Variants in DST observed in about 807,000 individuals in gnomAD.
DST encodes bullous pemphigoid antigen.
Under a neutral mutation model 875.2 loss-of-function variants are expected in DST, and 253 were observed. The observed-to-expected ratio is 0.29, with a 90% CI of 0.26 to 0.32. The LOEUF is 0.32. DST is among the 10% of genes least tolerant of loss of function. The probability of loss-of-function intolerance (pLI) is 1.00; values close to 1 mark genes in which losing one functional copy is unlikely to be tolerated. For synonymous variants in DST, 3,124 were observed against 3,197.1 expected (o/e 0.98, Z 0.77); for missense variants, 8,287 against 9,111.6 (o/e 0.91, Z 3.68).
intron 10 of DST, among the ~76,000 whole-genome samples, chr6:56,655,419 T>G (rs1162308196): frequency 6.6e-6 from 1 of 152,062 alleles, no homozygotes; most frequent in East Asian, 1.9e-4. Context: ...TGACAATAGC[T>G]GAAAAGACAC....
At position 56,791,305 on chromosome 6, in the gene DST, G is replaced by A. The variant is rs145681306; in HGVS notation, c.626-56016C>T. ...ACAAATAAGACTGGTAAAGGTATAG[G>A]TATAGTAACTGAGACACTGTATTGT... On this transcript the variant is annotated intron_variant, in intron 4 of 103. Coordinates refer to ENST00000680361, the MANE Select transcript of DST (RefSeq NM_001374736.1). 3.7e-4 allele frequency among the ~76,000 whole-genome samples: 57 copies of A among 152,194 alleles called. No individual in the cohort carries two copies. In the East Asian group the frequency reaches 8.1e-3, roughly 22 times the overall value.
chr6:56,954,370 C>T, intron 1 of DST, 37 bp downstream of exon 1: 1 of 1,342,704 alleles, frequency 7.4e-7, no homozygotes, highest in Non-Finnish European at 9.9e-7. Flanking sequence ...TTAATTGTTC[C>T]TGGTAGCCCG....
At chr6:56,586,127 C>T (rs897284780) in intron 49 of DST, among the ~76,000 whole-genome samples, 13 of 152,080 alleles carry the variant, frequency 8.5e-5, no homozygotes, top group African/African-American at 2.7e-4. Context: ...TGGTGTAGAG[C>T]TGAGTTCAAT....
At chr6:56,845,605 A>G (rs1010867099) in intron 4 of DST, among the ~76,000 whole-genome samples, 1 of 152,378 alleles carries the variant, frequency 6.6e-6, no homozygotes. Context: ...CAGGCATCAT[A>G]TGGGACACCT....
intron 23 of DST, among the ~76,000 whole-genome samples, chr6:56,636,235 C>CAT (rs754130073): frequency 4.2e-5 from 6 of 142,744 alleles, no homozygotes; most frequent in Non-Finnish European, 7.5e-5. Flanking sequence ...AAACAATTCA[C>CAT]ATATATATAT....
chr6:56,767,685 G>A (rs1161763543), intron 4 of DST, among the ~76,000 whole-genome samples: 1 of 151,958 alleles, frequency 6.6e-6, no homozygotes, highest in Non-Finnish European at 1.5e-5. Context: ...GATGTTCATA[G>A]TGATGGCTGT....
intron 49 of DST, among the ~76,000 whole-genome samples, chr6:56,590,774 C>G (rs562571847): frequency 1.3e-5 from 2 of 152,162 alleles, no homozygotes; most frequent in Admixed American, 6.5e-5. Context: ...CAGTGCCCTC[C>G]ACCCTCTTGA....
rs183532246 is a variant in DST at position 56,845,348 on chromosome 6, C to T, written c.625+6049G>A. ...TTAATGCTTAGATAGGGATGAGTTC[C>T]TCTTGAAAGAAAAAATTGTGTACTC... On this transcript the variant is annotated intron_variant, in intron 4 of 103. Transcript: ENST00000680361. Among the ~76,000 whole-genome samples the T allele has an allele frequency of 2.0e-5, 3 of 152,126 alleles. No homozygotes were observed. The East Asian group carries it at 5.8e-4, about 29-fold the overall frequency.
intron 4 of DST, among the ~76,000 whole-genome samples, chr6:56,800,711 C>CA (rs777455635): frequency 4.6e-5 from 7 of 151,542 alleles, no homozygotes; most frequent in African/African-American, 1.5e-4. Context: ...AAAATAAAAA[C>CA]AAAAAAAATA....
chr6:56,517,383 T>C (rs2096615079), intron 70 of DST, 78 bp from the exon 71 acceptor site: 2 of 1,584,400 alleles, frequency 1.3e-6, no homozygotes, highest in Non-Finnish European at 1.7e-6. Flanking sequence ...GGCTAAGTAG[T>C]TAAAAATATC....
intron 4 of DST, among the ~76,000 whole-genome samples, chr6:56,816,124 C>G (rs934637895): frequency 3.3e-5 from 5 of 152,158 alleles, no homozygotes; most frequent in Non-Finnish European, 7.4e-5. Flanking sequence ...AAAATAAACA[C>G]CCTGAAAGGA....
rs761285115 is a variant in DST at position 56,692,403 on chromosome 6, G to C, written c.1047+7250C>G. On this transcript the variant is annotated intron_variant, in intron 9 of 103. Coordinates refer to ENST00000680361, the MANE Select transcript of DST (RefSeq NM_001374736.1). ...TTTCACTTACCTCATTTCCATCTGT[G>C]TCCTTAGAAACAGAGGACATACTAG... is the stretch of plus-strand genomic sequence containing the variant. 5 of 1,276,484 alleles carry C rather than the reference G, an allele frequency of 3.9e-6. No homozygotes were observed. In the Admixed American group the frequency reaches 9.7e-5, roughly 25 times the overall value. The allele number at this position is 1,276,484 out of a possible 1,614,324, so 79.1% of individuals were successfully genotyped here.
intron 12 of DST, among the ~76,000 whole-genome samples, chr6:56,650,578 A>ATTC (rs2152798058): frequency 6.6e-6 from 1 of 152,342 alleles, no homozygotes; most frequent in African/African-American, 2.4e-5. Context: ...AAACTGAGAT[A>ATTC]TTCTATACAT....
chr6:56,931,785 A>G lies in DST; in HGVS notation c.216+22000T>C, dbSNP rs543757939. On this transcript the variant is annotated intron_variant, in intron 2 of 103. Coordinates refer to ENST00000680361, the MANE Select transcript of DST (RefSeq NM_001374736.1). The stretch of plus-strand genomic sequence containing the variant: ...CTTTGTAACCACTTTGTTTTGGCCA[A>G]TTCCTCCCATTTGGAACTGCTGTAT... Among the ~76,000 whole-genome samples, 5 of 152,280 alleles carry G rather than the reference A, an allele frequency of 3.3e-5. No homozygotes were observed. In the East Asian group the frequency reaches 7.7e-4, roughly 23 times the overall value.
rs186814685 is a variant in DST, at chr6:56,812,000, G to A, written c.625+39397C>T. Among the ~76,000 whole-genome samples, 112 of 151,752 alleles carry A rather than the reference G, an allele frequency of 7.4e-4. 3 individuals are homozygous for A. Among genetic ancestry groups the A allele is most frequent in the Admixed American group, 5.8e-3 (88 of 15,210 alleles). ...ACCTGTAGTCCCAGCTACTCAGGAG[G>A]CTGAGGCATGAGAACTGCTTGAACC... On this transcript the variant is annotated intron_variant, in intron 4 of 103. Transcript: ENST00000680361.
At chr6:56,843,597 C>A (rs1591562048) in intron 4 of DST, 15 of 983,800 alleles carry the variant, frequency 1.5e-5, no homozygotes, top group Non-Finnish European at 1.8e-5. Flanking sequence ...GGCAGCGGTG[C>A]GGGAGGACCG....
chr6:56,543,189 G>A (rs2097167389), intron 61 of DST, among the ~76,000 whole-genome samples: 1 of 152,210 alleles, frequency 6.6e-6, no homozygotes, highest in Admixed American at 6.5e-5. Flanking sequence ...TGGGAAAAGG[G>A]GGGCTACATA....
chr6:56,498,031 G>C lies in DST; in HGVS notation c.19919C>G (p.Ala6640Gly). The C allele has an allele frequency of 1.2e-6, 2 of 1,612,448 alleles. No homozygotes were observed. Among genetic ancestry groups the C allele is most frequent in the South Asian group, 1.1e-5 (1 of 90,714 alleles). ...KHHVLQNDVL[A>G]HQSTVEAVNK... ...AACGGCTTCCACTGTGGACTGATGG[G>C]CTAATACATCATTTTGGAGCACCTG... Residue 6640 changes from alanine (A) to glycine (G), a missense_variant, in exon 81 of 104, where the codon GCC becomes GGC. Physicochemically the swap from Ala to Gly is moderately conservative, Grantham distance 60 (BLOSUM62 0). Around this residue, in one of 10 missense-constraint regions of DST, gnomAD observed 1,292 missense variants for 1,552.7 expected, o/e 0.83. Transcript: ENST00000680361.
rs549315477 is a variant in DST at position 56,543,223 on chromosome 6, C to T, written c.16609-6283G>A. On this transcript the variant is annotated intron_variant, in intron 61 of 103. Transcript: ENST00000680361. The stretch of plus-strand genomic sequence containing the variant: ...TAGGTCCCTATCCTTCAGTTGAAAC[C>T]GCACTTTTACACTGAAGAATCTGAT... 2.6e-5 allele frequency among the ~76,000 whole-genome samples: 4 copies of T among 152,284 alleles called. No homozygotes were observed. In the South Asian group the frequency reaches 8.3e-4, roughly 32 times the overall value.
Sources: allele counts gnomAD v4.1 joint callset (sites outside exome capture counted in the v4.1 genomes callset), GRCh38; gene constraint gnomAD v4.1.1; regional missense constraint gnomAD v4.1.1; transcripts MANE v1.5; gene names NCBI Gene and HGNC (gene_info 2026-07-23, HGNC 2026-07-21).